P2RY14: variants seen among roughly 807,000 people sequenced by gnomAD.
P2RY14 encodes purinergic receptor P2Y14, also known as P2Y purinoceptor 14.
A neutral mutation model predicts 0.9 loss-of-function variants in P2RY14; 2 were observed. That is an observed-to-expected ratio of 2.16 (90% CI 0.88 to 6.79). The LOEUF (loss-of-function observed/expected upper bound fraction) is 6.79, where lower values mean the gene tolerates loss of function less well. P2RY14 is among the 30% of genes most tolerant of loss of function. The pLI is 0.05. For missense variants in P2RY14, 378 were observed against 400.1 expected (o/e 0.94, Z 0.47); for synonymous variants, 158 against 147.2 (o/e 1.07, Z -0.53).
chr3:151,231,201 G>T (rs1373202345), intron 1 of P2RY14, among the ~76,000 whole-genome samples: 2 of 152,200 alleles, frequency 1.3e-5, no homozygotes, highest in Non-Finnish European at 2.9e-5. Context: ...GAGAATGCTG[G>T]CTAGTAAAGG....
intron 1 of P2RY14, among the ~76,000 whole-genome samples, chr3:151,222,122 G>C (rs112984126): frequency 0.018 from 2,801 of 152,306 alleles, 82 homozygotes; most frequent in African/African-American, 0.064. Context: ...TAGCCCCTTT[G>C]TTTCAGCCAG....
chr3:151,228,870 G>T (rs1731052374), intron 1 of P2RY14, among the ~76,000 whole-genome samples: 1 of 152,116 alleles, frequency 6.6e-6, no homozygotes, highest in South Asian at 2.1e-4. Context: ...TGGAATATGT[G>T]GTCCTATTCC....
chr3:151,265,119 T>C (rs375310272), intron 1 of P2RY14, among the ~76,000 whole-genome samples: 97 of 152,322 alleles, frequency 6.4e-4, no homozygotes, highest in African/African-American at 2.2e-3. Context: ...GCAGAACCAC[T>C]TGTTATGCTG....
At chr3:151,241,124 A>G (rs759512630) in intron 1 of P2RY14, among the ~76,000 whole-genome samples, 1 of 152,178 alleles carries the variant, frequency 6.6e-6, no homozygotes, top group Non-Finnish European at 1.5e-5. Context: ...AGATCTCACT[A>G]TCACATAAAA....
At chr3:151,246,169 A>C (rs1441452586) in intron 1 of P2RY14, among the ~76,000 whole-genome samples, 38 of 152,304 alleles carry the variant, frequency 2.5e-4, no homozygotes, top group Admixed American at 5.2e-4. Flanking sequence ...TAGGAAGAAT[A>C]AATATCGTGA....
chr3:151,230,486 C>G (rs578201356), intron 1 of P2RY14, among the ~76,000 whole-genome samples: 2 of 151,860 alleles, frequency 1.3e-5, no homozygotes, highest in Non-Finnish European at 2.9e-5. Context: ...ACTCCTTTCT[C>G]GTTATACTAT....
chr3:151,276,120 T>C (rs987640008), intron 1 of P2RY14, among the ~76,000 whole-genome samples: 1 of 152,182 alleles, frequency 6.6e-6, no homozygotes, highest in Non-Finnish European at 1.5e-5. Context: ...AGACAACAGG[T>C]GAAAACTGGA....
In P2RY14 at chr3:151,214,352, T is replaced by G; in HGVS notation, c.-24-12A>C. 1 of 1,571,394 alleles carries G rather than the reference T, an allele frequency of 6.4e-7. No individual in the cohort carries two copies. Among genetic ancestry groups the G allele is most frequent in the Non-Finnish European group, 8.7e-7 (1 of 1,151,850 alleles). ...CTGAAGGCAGAGGCCTGAAAAGAGG[T>G]GTGAACTGGTCACTCATAGGGCACT... is the stretch of plus-strand genomic sequence containing the variant. On this transcript the variant is annotated splice_polypyrimidine_tract_variant and intron_variant, in intron 2 of 2. Transcript: ENST00000309170.
chr3:151,275,674 T>C (rs917264698), intron 1 of P2RY14, among the ~76,000 whole-genome samples: 1 of 152,056 alleles, frequency 6.6e-6, no homozygotes, highest in Non-Finnish European at 1.5e-5. Flanking sequence ...TTTTTAAGGG[T>C]GCTAGGGAGG....
At chr3:151,251,169 G>A (rs993284827) in intron 1 of P2RY14, among the ~76,000 whole-genome samples, 17 of 152,086 alleles carry the variant, frequency 1.1e-4, no homozygotes, top group African/African-American at 3.9e-4. Flanking sequence ...TGCCCTGTTA[G>A]CACTTGTGAC....
Position 151,213,786 on chromosome 3 carries a change from A to G in P2RY14, c.531T>C (p.Ser177=), listed in dbSNP as rs953961365. The part of the protein sequence containing the change: ...VTQIKCIELK[S]ELGRKWHKAS... Reference sequence around the variant, plus strand: ...CTTTGTGCCACTTCCGTCCCAGTTCACTTTTCAGTTCTATACATTTTATTT... The same window carrying G: ...CTTTGTGCCACTTCCGTCCCAGTTCGCTTTTCAGTTCTATACATTTTATTT... The change falls in exon 3 of 3, where the codon AGT becomes AGC. Residue 177 remains serine, a synonymous_variant. Coordinates refer to ENST00000309170, the MANE Select transcript of P2RY14 (RefSeq NM_014879.4). The G allele has an allele frequency of 6.2e-7, 1 of 1,614,158 alleles. No homozygotes were observed. The highest frequency in any genetic ancestry group is 2.2e-5 in the East Asian group (1 of 44,888).
intron 1 of P2RY14, among the ~76,000 whole-genome samples, chr3:151,262,127 T>C (rs1201389815): frequency 6.6e-6 from 1 of 152,218 alleles, no homozygotes; most frequent in African/African-American, 2.4e-5. Context: ...TCAGAATTTA[T>C]TGAAAGTTAG....
At chr3:151,259,423 C>G (rs1257688063) in intron 1 of P2RY14, among the ~76,000 whole-genome samples, 2 of 152,126 alleles carry the variant, frequency 1.3e-5, no homozygotes, top group Non-Finnish European at 1.5e-5. Flanking sequence ...ATAGGGTGGT[C>G]TTCTAACTTA....
intron 1 of P2RY14, among the ~76,000 whole-genome samples, chr3:151,267,169 A>G (rs1002567607): frequency 6.6e-6 from 1 of 152,206 alleles, no homozygotes; most frequent in Non-Finnish European, 1.5e-5. Context: ...TAAACACTTC[A>G]TGGAAGATGT....
chr3:151,237,697 A>G lies in P2RY14; in HGVS notation c.-132-18055T>C, dbSNP rs563000801. On this transcript the variant is annotated intron_variant, in intron 1 of 2. Transcript: ENST00000309170. ...GTTACACTAGTTTATATTCCTACCA[A>G]TGATGTGTAGTGATCCTGTGGATAT... Among the ~76,000 whole-genome samples the G allele has an allele frequency of 4.6e-5, 7 of 152,130 alleles. 1 individual carries two copies. In the South Asian group the frequency reaches 6.2e-4, roughly 14 times the overall value.
chr3:151,231,821 G>A (rs1731733597), intron 1 of P2RY14, among the ~76,000 whole-genome samples: 1 of 152,176 alleles, frequency 6.6e-6, no homozygotes, highest in South Asian at 2.1e-4. Context: ...AAGCGAGAGA[G>A]TATTTAGAGA....
intron 1 of P2RY14, among the ~76,000 whole-genome samples, chr3:151,258,525 T>A (rs6780660): frequency 0.11 from 16,775 of 152,236 alleles, 1,236 homozygotes; most frequent in Middle Eastern, 0.17. Flanking sequence ...CTTAGCTGTT[T>A]TTTTGAATGA....
intron 1 of P2RY14, chr3:151,269,396 A>ATC (rs1169708063): frequency 1.6e-4 from 10 of 62,130 alleles, no homozygotes; most frequent in African/African-American, 1.0e-3. Flanking sequence ...GTGAAACTCC[A>ATC]TCACACACAC....
intron 1 of P2RY14, among the ~76,000 whole-genome samples, chr3:151,264,192 A>G (rs1739418373): frequency 6.6e-6 from 1 of 152,162 alleles, no homozygotes; most frequent in Non-Finnish European, 1.5e-5. Context: ...TCCCTCCCAC[A>G]TTCCCCTAAA....
Sources: allele counts gnomAD v4.1 joint callset (sites outside exome capture counted in the v4.1 genomes callset), GRCh38; gene constraint gnomAD v4.1.1; transcripts MANE v1.5; gene names NCBI Gene and HGNC (gene_info 2026-07-23, HGNC 2026-07-21).